Variants in DPH6 observed in about 807,000 individuals in gnomAD.
The protein encoded by DPH6 is diphthine--ammonia ligase.
Under a neutral mutation model 38.2 loss-of-function variants are expected in DPH6, and 33 were observed. That is an observed-to-expected ratio of 0.86 (90% confidence interval 0.65 to 1.15). The LOEUF (loss-of-function observed/expected upper bound fraction) is 1.15. Ranked by LOEUF, DPH6 falls within the 50% of genes most tolerant of loss-of-function variation. The pLI is 0.00. For missense variants in DPH6, 325 were observed against 320.0 expected (o/e 1.02, Z -0.12); for synonymous variants, 108 against 103.0 (o/e 1.05, Z -0.30).
At chr15:35,235,856 G>GCATCTCAGTACACT (rs1265860402) in intron 3 of DPH6, among the ~76,000 whole-genome samples, 1 of 152,102 alleles carries the variant, frequency 6.6e-6, no homozygotes, top group Non-Finnish European at 1.5e-5. Context: ...TACTGCAGTT[G>GCATCTCAGTACACT]GAGAATATTC....
chr15:35,154,824 G>A, the DPH6 span, among the ~76,000 whole-genome samples: 20 of 152,062 alleles, frequency 1.3e-4, no homozygotes, highest in Non-Finnish European at 1.3e-4. Flanking sequence ...GCCCTACACC[G>A]CCATAAGATA....
intron 3 of DPH6, among the ~76,000 whole-genome samples, chr15:35,258,593 T>C (rs1194332609): frequency 2.0e-5 from 3 of 152,220 alleles, no homozygotes; most frequent in Admixed American, 2.0e-4. Flanking sequence ...TAATGTCCTT[T>C]GTTCTATAAG....
chr15:35,465,745 G>A (rs2054118519), intron 3 of DPH6, among the ~76,000 whole-genome samples: 1 of 152,120 alleles, frequency 6.6e-6, no homozygotes, highest in Admixed American at 6.6e-5. Flanking sequence ...GTGAGCTCAT[G>A]ACAGAATATT....
the DPH6 span, among the ~76,000 whole-genome samples, chr15:35,192,887 A>G: frequency 6.6e-6 from 1 of 152,218 alleles, no homozygotes; most frequent in Admixed American, 6.5e-5. Context: ...AGGAATGAAC[A>G]TAAGGCAGAC....
downstream of DPH6, among the ~76,000 whole-genome samples, chr15:35,327,253 A>G (rs1351604756): frequency 6.6e-6 from 1 of 152,048 alleles, no homozygotes; most frequent in African/African-American, 2.4e-5. Flanking sequence ...CTAGTTTGTA[A>G]ATGCTTCCTA....
At chr15:35,276,574 A>G (rs2051860563) in intron 3 of DPH6, among the ~76,000 whole-genome samples, 1 of 152,126 alleles carries the variant, frequency 6.6e-6, no homozygotes, top group South Asian at 2.1e-4. Context: ...CAAGTCTTAG[A>G]TTTAAGTCCT....
At chr15:35,185,724 C>CTTTTTT in the DPH6 span, among the ~76,000 whole-genome samples, 39 of 83,006 alleles carry the variant, frequency 4.7e-4, no homozygotes, top group Non-Finnish European at 5.7e-4. Flanking sequence ...CCAATCCACT[C>CTTTTTT]TTTTTTTTTT....
At chr15:35,516,840 C>T (rs2054854366) in intron 3 of DPH6, among the ~76,000 whole-genome samples, 2 of 152,042 alleles carry the variant, frequency 1.3e-5, no homozygotes, top group African/African-American at 2.4e-5. Flanking sequence ...AGGTGTCTGC[C>T]TCACTTTAAG....
chr15:35,517,126 C>A (rs2054858336), intron 3 of DPH6, among the ~76,000 whole-genome samples: 1 of 151,866 alleles, frequency 6.6e-6, no homozygotes, highest in African/African-American at 2.4e-5. Flanking sequence ...CAGTAATGAT[C>A]TCATCTCATA....
At chr15:35,224,094 ATT>A (rs2051461827) in intron 3 of DPH6, among the ~76,000 whole-genome samples, 1 of 116,618 alleles carries the variant, frequency 8.6e-6, no homozygotes, top group South Asian at 2.8e-4. Flanking sequence ...CTGTGGCATG[ATT>A]TTAGTTTTTT....
intron 3 of DPH6, among the ~76,000 whole-genome samples, chr15:35,360,443 G>A (rs1268849735): frequency 6.6e-6 from 1 of 152,196 alleles, no homozygotes; most frequent in Non-Finnish European, 1.5e-5. Context: ...AATAGGCATG[G>A]CTCCTACTAG....
chr15:35,477,588 A>T (rs1254657405), intron 3 of DPH6, among the ~76,000 whole-genome samples: 1 of 151,826 alleles, frequency 6.6e-6, no homozygotes, highest in East Asian at 1.9e-4. Flanking sequence ...TTAAAAACCT[A>T]CAGTACCCAG....
chr15:35,314,423 G>C (rs111938146), intron 3 of DPH6, among the ~76,000 whole-genome samples: 15 of 152,128 alleles, frequency 9.9e-5, no homozygotes, highest in African/African-American at 3.6e-4. Context: ...AAGCAAATTC[G>C]AGTGATTTTC....
At chr15:35,346,455 T>A (rs1279164557) in intron 3 of DPH6, among the ~76,000 whole-genome samples, 1 of 152,116 alleles carries the variant, frequency 6.6e-6, no homozygotes, top group Non-Finnish European at 1.5e-5. Context: ...AGTACTACCA[T>A]CAGAAGGAAT....
chr15:35,520,733 G>A, intron 3 of DPH6: 1 of 984,580 alleles, frequency 1.0e-6, no homozygotes, highest in Non-Finnish European at 1.2e-6. Context: ...ATTATAATAT[G>A]ATCAAACCAA....
chr15:35,432,476 G>T (rs1219107121), intron 5 of DPH6, among the ~76,000 whole-genome samples: 1 of 151,846 alleles, frequency 6.6e-6, no homozygotes, highest in African/African-American at 2.4e-5. Flanking sequence ...GCTTTATTAT[G>T]GCAGTTGGGA....
downstream of DPH6, among the ~76,000 whole-genome samples, chr15:35,215,544 C>A (rs768573695): frequency 1.1e-4 from 16 of 152,068 alleles, no homozygotes; most frequent in Non-Finnish European, 2.4e-4. Context: ...CAACCACACC[C>A]AGCTAATTAA....
chr15:35,379,426 TC>T (rs2052832937), intron 7 of DPH6, among the ~76,000 whole-genome samples: 1 of 152,124 alleles, frequency 6.6e-6, no homozygotes, highest in Non-Finnish European at 1.5e-5. Context: ...ATAAAATCTG[TC>T]CCCAAAATGA....
chr15:35,420,360 A>G (rs1330265015), intron 5 of DPH6, among the ~76,000 whole-genome samples: 1 of 152,150 alleles, frequency 6.6e-6, no homozygotes, highest in Non-Finnish European at 1.5e-5. Context: ...AGGATCTCAA[A>G]TAAACAACCT....
Sources: gnomAD v4.1 joint callset for allele counts (sites outside exome capture counted in the v4.1 genomes callset) on GRCh38, gnomAD v4.1.1 for gene constraint, MANE v1.5 for transcripts, NCBI Gene and HGNC (gene_info 2026-07-23, HGNC 2026-07-21) for gene names.